TRIM63: variants seen among roughly 807,000 people sequenced by gnomAD.
TRIM63 encodes tripartite motif containing 63, also known as E3 ubiquitin-protein ligase TRIM63.
TRIM63 carries 48 observed loss-of-function variants against 46.0 expected under a neutral mutation model. That is an observed-to-expected ratio of 1.04 (90% CI 0.83 to 1.33). The LOEUF (loss-of-function observed/expected upper bound fraction) is 1.33, where lower values mean the gene tolerates loss of function less well. Ranked by LOEUF, TRIM63 falls within the 40% of genes most tolerant of loss-of-function variation. The pLI, the probability that TRIM63 is intolerant of heterozygous loss-of-function variation, is 0.00. For synonymous variants in TRIM63, 175 were observed against 162.8 expected (o/e 1.08, Z -0.57); for missense variants, 455 against 441.2 (o/e 1.03, Z -0.28).
chr1:26,057,581 T>C, intron 6 of TRIM63, 47 bp downstream of exon 6: 1 of 1,593,212 alleles, frequency 6.3e-7, no homozygotes, highest in East Asian at 2.2e-5. Flanking sequence ...ACAGAGGTCC[T>C]GGTGGGAACT....
Position 26,061,195 on chromosome 1 carries a change from G to A in TRIM63, c.472C>T (p.Pro158Ser), listed in dbSNP as rs1476825039. ...TGTCCCTGGAAGACACTCTGCAATGGGGCCACCTCGCAGGCCTTGTGGATC... is the reference window on the plus strand; with the variant it reads ...TGTCCCTGGAAGACACTCTGCAATGAGGCCACCTCGCAGGCCTTGTGGATC... The part of the protein sequence containing the change: ...FGIHKACEVA[P>S]LQSVFQGQKT... Residue 158 changes from proline to serine, a missense_variant, in exon 3 of 9, where the codon CCA becomes TCA. Transcript: ENST00000374272. The A allele has an allele frequency of 1.9e-6, 3 of 1,613,978 alleles. No individual in the cohort carries two copies. Among genetic ancestry groups the A allele is most frequent in the Non-Finnish European group, 2.5e-6 (3 of 1,180,004 alleles).
rs188552796 is a variant in TRIM63 at position 26,053,465 on chromosome 1, G to A, written c.1051+428C>T. The stretch of plus-strand genomic sequence containing the variant: ...GACAGGGTTTCACCATGTTGGCCAG[G>A]CTGGCCTTGGCCTCCCCAAGTGCTG... On this transcript the variant is annotated intron_variant, in intron 8 of 8. Coordinates refer to ENST00000374272, the MANE Select transcript of TRIM63 (RefSeq NM_032588.4). Among the ~76,000 whole-genome samples, 304 of 151,974 alleles carry A rather than the reference G, an allele frequency of 2.0e-3. 2 individuals are homozygous for A. The highest frequency in any genetic ancestry group is 7.0e-3 in the African/African-American group (290 of 41,452).
At chr1:26,066,153 AG>A in intron 2 of TRIM63, 114 bp downstream of exon 2, 1 of 1,174,342 alleles carries the variant, frequency 8.5e-7, no homozygotes, top group Non-Finnish European at 1.2e-6. Flanking sequence ...TTGTGTAGCT[AG>A]TCCAGCTAGA....
intron 6 of TRIM63, 29 bp downstream of exon 6, chr1:26,057,599 T>C (rs973869864): frequency 1.2e-6 from 2 of 1,606,638 alleles, no homozygotes; most frequent in Admixed American, 1.7e-5. Flanking sequence ...ACTAGGTGCT[T>C]GGATCATAGC....
rs767148091 is a variant in TRIM63 at position 26,060,269 on chromosome 1, G to T, written c.594C>A (p.Thr198=). Reference sequence around the variant, plus strand: ...CAGGACTATTCTGTCCGCTCACCTTGGTCACTCGACGGGAATCCTCCAGCT... The same window carrying T: ...CAGGACTATTCTGTCCGCTCACCTTTGTCACTCGACGGGAATCCTCCAGCT... ...ITQLEDSRRV[T]KENSHQVKEE... is the part of the protein sequence containing the mutation. Residue 198 remains threonine, a synonymous_variant, in exon 4 of 9, where the codon ACC becomes ACA. Coordinates refer to ENST00000374272, the MANE Select transcript of TRIM63 (RefSeq NM_032588.4). 1.7e-5 allele frequency: 27 copies of T among 1,613,164 alleles called. No individual in the cohort carries two copies. In the African/African-American group the frequency reaches 2.0e-4, roughly 12 times the overall value.
At chr1:26,065,083 G>A (rs998541995) in intron 2 of TRIM63, among the ~76,000 whole-genome samples, 2 of 152,120 alleles carry the variant, frequency 1.3e-5, no homozygotes, top group African/African-American at 4.8e-5. Flanking sequence ...GAGTGCAGTG[G>A]CACGATCTCT....
chr1:26,064,607 A>G (rs1242163967), intron 2 of TRIM63, among the ~76,000 whole-genome samples: 1 of 152,172 alleles, frequency 6.6e-6, no homozygotes, highest in Non-Finnish European at 1.5e-5. Context: ...GATAGGAAAA[A>G]TGCCTGAAAG....
intron 7 of TRIM63, among the ~76,000 whole-genome samples, chr1:26,055,399 C>G (rs376512759): frequency 6.6e-5 from 10 of 152,332 alleles, no homozygotes; most frequent in African/African-American, 2.4e-4. Flanking sequence ...TTGGTACTCT[C>G]CTCATTTTAC....
rs1201060174 is a variant in TRIM63, at chr1:26,058,532, C to T, written c.689G>A (p.Arg230Gln). 1.2e-5 allele frequency: 20 copies of T among 1,614,054 alleles called. No individual in the cohort carries two copies. Among genetic ancestry groups the T allele is most frequent in the South Asian group, 3.3e-5 (3 of 91,090 alleles). ...LDEKKSELLQ[R>Q]ITQEQEKKLS... ...CTTTTTCTCCTGCTCCTGCGTGATCCGCTGCAGCAACTCACTTTTCTTCTC... is the reference window on the plus strand; with the variant it reads ...CTTTTTCTCCTGCTCCTGCGTGATCTGCTGCAGCAACTCACTTTTCTTCTC... Residue 230 changes from arginine (R) to glutamine (Q), a missense_variant, in exon 5 of 9, where the codon CGG becomes CAG. Transcript: ENST00000374272.
Position 26,057,341 on chromosome 1 carries a change from A to G in TRIM63, c.855-14T>C. On this transcript the variant is annotated splice_polypyrimidine_tract_variant and intron_variant, in intron 6 of 8. Coordinates refer to ENST00000374272, the MANE Select transcript of TRIM63 (RefSeq NM_032588.4). ...GCTTCCACAATGCTGCAGGGGAGAC[A>G]GAAAGAGAGGCAGGATGAGGTCTCT... 1 of 1,613,640 alleles carries G rather than the reference A, an allele frequency of 6.2e-7. No homozygotes were observed. The highest frequency in any genetic ancestry group is 8.5e-7 in the Non-Finnish European group (1 of 1,179,880).
chr1:26,067,284 G>A, intron 1 of TRIM63, 52 bp downstream of exon 1: 1 of 1,601,512 alleles, frequency 6.2e-7, no homozygotes, highest in South Asian at 1.1e-5. Context: ...TCATCACAGG[G>A]AAGCCAAGTA....
chr1:26,067,457 G>A lies in TRIM63; in HGVS notation c.38C>T (p.Pro13Leu), dbSNP rs1241830523. 15 of 1,614,142 alleles carry A rather than the reference G, an allele frequency of 9.3e-6. No homozygotes were observed. Among genetic ancestry groups the A allele is most frequent in the Non-Finnish European group, 1.2e-5 (14 of 1,180,036 alleles). Reference protein sequence around the residue: ...YKSSLIQDGNPMENLEKQLIC... With the variant: ...YKSSLIQDGNLMENLEKQLIC... Reference sequence around the variant, plus strand: ...CAGCTGCTTCTCCAAGTTCTCCATGGGATTCCCATCCTGGATCAGGCTCGA... The same window carrying A: ...CAGCTGCTTCTCCAAGTTCTCCATGAGATTCCCATCCTGGATCAGGCTCGA... The change falls in exon 1 of 9, where the codon CCC (proline) becomes CTC (leucine). Residue 13 changes from proline (P) to leucine (L), a missense_variant. Transcript: ENST00000374272.
intron 2 of TRIM63, among the ~76,000 whole-genome samples, chr1:26,062,119 A>C (rs1227901318): frequency 6.6e-6 from 1 of 152,032 alleles, no homozygotes; most frequent in Admixed American, 6.6e-5. Flanking sequence ...AACTCAAAAA[A>C]ATTAACCAGG....
rs1569726328 is a variant in TRIM63, at chr1:26,053,817, T to A, written c.1051+76A>T. 2.6e-6 allele frequency: 3 copies of A among 1,135,378 alleles called. No homozygotes were observed. The East Asian group carries it at 7.2e-5, about 27-fold the overall frequency. 70.3% of individuals were successfully genotyped at this position (1,135,378 alleles called of 1,614,324 possible). A position where few individuals can be genotyped will look rare whatever the true frequency, so the allele number is the denominator to read the frequency against. ...CATTGCCAATGTCTAACACAGTGCT[T>A]CACATACAGTAGGCACCTCAGATTG... is the stretch of plus-strand genomic sequence containing the variant. On this transcript the variant is annotated intron_variant, in intron 8 of 8. Coordinates refer to ENST00000374272, the MANE Select transcript of TRIM63 (RefSeq NM_032588.4).
intron 5 of TRIM63, 130 bp from the exon 6 acceptor site, chr1:26,057,780 C>G: frequency 1.1e-6 from 1 of 926,018 alleles, no homozygotes; most frequent in Non-Finnish European, 1.6e-6. Flanking sequence ...TGACCTGCTC[C>G]CCACCCCAAA....
intron 7 of TRIM63, among the ~76,000 whole-genome samples, chr1:26,054,968 CAAAAAAAAA>C (rs60719420): frequency 5.0e-4 from 49 of 97,452 alleles, no homozygotes; most frequent in African/African-American, 1.9e-3. Context: ...AACTCCGTCT[CAAAAAAAAA>C]AAAAAAAAAT....
intron 1 of TRIM63, 38 bp downstream of exon 1, chr1:26,067,298 A>G (rs1217393691): frequency 6.2e-7 from 1 of 1,609,268 alleles, no homozygotes; most frequent in East Asian, 2.2e-5. Flanking sequence ...CCAAGTAGCC[A>G]CCTGGGGACC....
At chr1:26,054,654 A>G (rs1557570866) in intron 7 of TRIM63, among the ~76,000 whole-genome samples, 1 of 152,138 alleles carries the variant, frequency 6.6e-6, no homozygotes, top group Non-Finnish European at 1.5e-5. Context: ...GGGTCACCAC[A>G]GAATCAGAAC....
At chr1:26,057,371 C>A in intron 6 of TRIM63, 44 bp from the exon 7 acceptor site, 1 of 1,609,860 alleles carries the variant, frequency 6.2e-7, no homozygotes, top group South Asian at 1.1e-5. Context: ...GTCTCTGGGG[C>A]TCAGTGCAGG....
Sources: allele counts gnomAD v4.1 joint callset (sites outside exome capture counted in the v4.1 genomes callset), GRCh38; gene constraint gnomAD v4.1.1; transcripts MANE v1.5; gene names NCBI Gene and HGNC (gene_info 2026-07-23, HGNC 2026-07-21).